Variants in GOLGA3 observed in about 807,000 individuals in gnomAD.
The protein encoded by GOLGA3 is golgin subfamily A member 3.
In GOLGA3, 75 loss-of-function variants were observed where a neutral mutation model predicts 169.4. The ratio of observed to expected loss-of-function variants is 0.44; its 90% CI spans 0.37 to 0.54. The LOEUF (loss-of-function observed/expected upper bound fraction) is 0.54. Among genes scored for constraint, GOLGA3 ranks in the 20% least tolerant of loss-of-function variants. The probability of loss-of-function intolerance (pLI) is 0.00; values close to 1 mark genes in which losing one functional copy is unlikely to be tolerated. For synonymous variants in GOLGA3, 824 were observed against 822.4 expected (o/e 1.00, Z -0.03); for missense variants, 1,899 against 1,930.0 (o/e 0.98, Z 0.30).
chr12:132,792,566 C>T (rs767635404), intron 11 of GOLGA3, among the ~76,000 whole-genome samples: 12 of 152,172 alleles, frequency 7.9e-5, no homozygotes, highest in Non-Finnish European at 1.2e-4. Context: ...ACAGACCCAC[C>T]GCACAGGACC....
chr12:132,803,594 T>C (rs1174659240), intron 7 of GOLGA3, among the ~76,000 whole-genome samples: 1 of 152,208 alleles, frequency 6.6e-6, no homozygotes, highest in African/African-American at 2.4e-5. Context: ...TGGTTTTTCC[T>C]AAGGGATTGG....
In GOLGA3 at chr12:132,805,143, G is replaced by A. The variant is rs993598181; in HGVS notation, c.1291-121C>T. 2.1e-5 allele frequency: 24 copies of A among 1,141,288 alleles called. No homozygotes were observed. The African/African-American group carries it at 2.7e-4, about 13-fold the overall frequency. 70.7% of individuals were successfully genotyped at this position (1,141,288 alleles called of 1,614,324 possible). A position where few individuals can be genotyped will look rare whatever the true frequency, so the allele number is the denominator to read the frequency against. ...TGACAGGGGACCCCGAGACCCCCAG[G>A]CGCTCTCCCAAGGCCTGACAGAGGA... On this transcript the variant is annotated intron_variant, in intron 6 of 23. Coordinates refer to ENST00000450791, the MANE Select transcript of GOLGA3 (RefSeq NM_001389683.1).
chr12:132,783,867 GC>G, intron 16 of GOLGA3: 1 of 1,417,680 alleles, frequency 7.1e-7, no homozygotes, highest in Non-Finnish European at 9.2e-7. Flanking sequence ...TGAGCCACTC[GC>G]CTGGCGAAGT....
chr12:132,782,893 GAAAA>G (rs990552547), intron 16 of GOLGA3, among the ~76,000 whole-genome samples: 1 of 140,254 alleles, frequency 7.1e-6, no homozygotes, highest in Non-Finnish European at 1.6e-5. Context: ...AAAAAAAAAA[GAAAA>G]AGAAAAGAAA....
Position 132,804,774 on chromosome 12 carries a change from C to G in GOLGA3, c.1539G>C (p.Gln513His), listed in dbSNP as rs1245074433. 6.2e-7 allele frequency: 1 copy of G among 1,614,248 alleles called. No individual in the cohort carries two copies. Among genetic ancestry groups the G allele is most frequent in the Non-Finnish European group, 8.5e-7 (1 of 1,180,038 alleles). ...TGTCCTCTACCTTGGCCATAAGCCTCTGGTACTGCTCCTCGGCCACCTGCA... is the reference window on the plus strand; with the variant it reads ...TGTCCTCTACCTTGGCCATAAGCCTGTGGTACTGCTCCTCGGCCACCTGCA... ...NDLQVAEEQY[Q>H]RLMAKVEDMQ... is the part of the protein sequence containing the mutation. Residue 513 changes from glutamine to histidine, a missense_variant, in exon 7 of 24, where the codon CAG (glutamine) becomes CAC (histidine). Physicochemically the swap from Gln to His is conservative, Grantham distance 24 (BLOSUM62 0). Coordinates refer to ENST00000450791, the MANE Select transcript of GOLGA3 (RefSeq NM_001389683.1). The surrounding 1 kb of genome is among the most constrained non-coding windows in gnomAD (Gnocchi z 4.1).
At chr12:132,784,601 CAA>C (rs1463778194) in intron 15 of GOLGA3, among the ~76,000 whole-genome samples, 1 of 152,216 alleles carries the variant, frequency 6.6e-6, no homozygotes, top group African/African-American at 2.4e-5. Context: ...CCATCTGTGG[CAA>C]GCAAGCAGCA....
rs752287509 is a variant in GOLGA3, at chr12:132,791,198, TCAA to T, written c.2547+15_2547+17del. ...CATATGCTTGTTTCAAGTGAAGAAA[TCAA>T]CAACAGATTTTTACCTTTTGTTGGA... On this transcript the variant is annotated intron_variant, in intron 12 of 23. Transcript: ENST00000450791. 2 of 1,467,112 alleles carry T rather than the reference TCAA, an allele frequency of 1.4e-6. No individual in the cohort carries two copies. Among genetic ancestry groups the T allele is most frequent in the Non-Finnish European group, 1.9e-6 (2 of 1,049,652 alleles). The allele number at this position is 1,467,112 out of a possible 1,614,324, so 90.9% of individuals were successfully genotyped here. A position where few individuals can be genotyped will look rare whatever the true frequency, so the allele number is the denominator to read the frequency against.
intron 15 of GOLGA3, among the ~76,000 whole-genome samples, chr12:132,785,178 C>T (rs992562568): frequency 5.9e-5 from 9 of 152,214 alleles, no homozygotes; most frequent in African/African-American, 7.2e-5. Flanking sequence ...GCTGCAACAG[C>T]GTGGCGAGGG....
In GOLGA3 at chr12:132,782,443, T is replaced by C. The variant is rs764218688; in HGVS notation, c.3318A>G (p.Ser1106=). The C allele has an allele frequency of 1.5e-5, 24 of 1,614,074 alleles. No individual in the cohort carries two copies. The African/African-American group carries it at 2.4e-4, about 16-fold the overall frequency. ...FRKKIKRLEE[S]NKKLALELEH... is the part of the protein sequence containing the mutation. ...CTAATTCAAGAGCCAACTTCTTGTT[T>C]GACTCCTCAAGGCGTTTTATCTTCT... The change falls in exon 17 of 24, where the codon TCA becomes TCG. Residue 1106 remains serine, a synonymous_variant. Coordinates refer to ENST00000450791, the MANE Select transcript of GOLGA3 (RefSeq NM_001389683.1).
At chr12:132,779,314 G>A (rs996056248) in intron 18 of GOLGA3, among the ~76,000 whole-genome samples, 4 of 152,070 alleles carry the variant, frequency 2.6e-5, no homozygotes, top group Non-Finnish European at 4.4e-5. Context: ...CCCGACCTCA[G>A]GTGATCTGCC....
chr12:132,816,766 T>G lies in GOLGA3; in HGVS notation c.180A>C (p.Gly60=). ...TCTGACAGAGGCCTCCCTGGCCAGG[T>G]CCATCCGGGCTTTCCCCTTCCGTGG... ...RASTEGESPD[G]PGQGGLCQNG... is the part of the protein sequence containing the mutation. The change falls in exon 3 of 24, where the codon GGA becomes GGC. Residue 60 remains glycine (G), a synonymous_variant. Transcript: ENST00000450791. The G allele has an allele frequency of 6.2e-7, 1 of 1,611,598 alleles. No individual in the cohort carries two copies. Among genetic ancestry groups the G allele is most frequent in the Non-Finnish European group, 8.5e-7 (1 of 1,177,944 alleles).
intron 9 of GOLGA3, 96 bp from the exon 10 acceptor site, chr12:132,796,796 G>A: frequency 8.3e-7 from 1 of 1,204,930 alleles, no homozygotes; most frequent in Non-Finnish European, 1.2e-6. Flanking sequence ...CACCGCCCTG[G>A]CATGGGCCCC....
intron 2 of GOLGA3, 52 bp downstream of exon 2, chr12:132,821,944 C>T: frequency 7.9e-7 from 1 of 1,259,664 alleles, no homozygotes; most frequent in East Asian, 3.0e-5. Flanking sequence ...CACGTCCTCC[C>T]TCAACACCAG....
chr12:132,786,367 C>T lies in GOLGA3; in HGVS notation c.3095G>A (p.Gly1032Asp), dbSNP rs756151463. 1.2e-6 allele frequency: 2 copies of T among 1,606,786 alleles called. No homozygotes were observed. Among genetic ancestry groups the T allele is most frequent in the Non-Finnish European group, 8.5e-7 (1 of 1,175,836 alleles). Reference sequence around the variant, plus strand: ...TAGAGCCAGGCTGCTGTCACTGCTGCCACCCTGGGCTCGGAGCTGGCCCAG... The same window carrying T: ...TAGAGCCAGGCTGCTGTCACTGCTGTCACCCTGGGCTCGGAGCTGGCCCAG... Reference protein sequence around the residue: ...AELGQLRAQGGSSDSSLALHE... With the variant: ...AELGQLRAQGDSSDSSLALHE... Residue 1032 changes from glycine (G) to aspartate (D), a missense_variant, in exon 15 of 24, where the codon GGC becomes GAC. Coordinates refer to ENST00000450791, the MANE Select transcript of GOLGA3 (RefSeq NM_001389683.1).
chr12:132,818,088 C>T (rs539011410), intron 2 of GOLGA3, among the ~76,000 whole-genome samples: 60 of 143,522 alleles, frequency 4.2e-4, no homozygotes, highest in Non-Finnish European at 6.8e-4. Context: ...CACACCTCCA[C>T]GCTCTAAGGT....
chr12:132,818,978 G>C (rs1011160231), intron 2 of GOLGA3, among the ~76,000 whole-genome samples: 15 of 150,594 alleles, frequency 1.0e-4, no homozygotes, highest in African/African-American at 3.7e-4. Context: ...TCATCAAATG[G>C]AACAAAGAAA....
chr12:132,781,998 C>T (rs999221190), intron 17 of GOLGA3, among the ~76,000 whole-genome samples: 2 of 152,144 alleles, frequency 1.3e-5, no homozygotes, highest in East Asian at 1.9e-4. Context: ...ACTGAGCACA[C>T]GCAGGGGCTC....
At chr12:132,776,445 C>T (rs1470840441) in intron 21 of GOLGA3, among the ~76,000 whole-genome samples, 189 bp downstream of exon 21, 1 of 147,352 alleles carries the variant, frequency 6.8e-6, no homozygotes, top group Admixed American at 6.9e-5. Context: ...CTGCTGCTCC[C>T]GCCTGTACCC....
chr12:132,824,012 GAC>G (rs1469328129), intron 1 of GOLGA3, among the ~76,000 whole-genome samples: 1 of 152,152 alleles, frequency 6.6e-6, no homozygotes, highest in East Asian at 1.9e-4. Flanking sequence ...GAACCTGGGA[GAC>G]AGAGGTTGCG....
Sources: allele counts gnomAD v4.1 joint callset (sites outside exome capture counted in the v4.1 genomes callset), GRCh38; gene constraint gnomAD v4.1.1; non-coding constraint Gnocchi (gnomAD v3.1); transcripts MANE v1.5; gene names NCBI Gene and HGNC (gene_info 2026-07-23, HGNC 2026-07-21).